SETD2: variants seen among roughly 807,000 people sequenced by gnomAD.
The protein encoded by SETD2 is SET domain containing 2, histone lysine methyltransferase, also known as histone-lysine N-methyltransferase SETD2.
Under a neutral mutation model 242.1 loss-of-function variants are expected in SETD2, and 31 were observed. That is an observed-to-expected ratio of 0.13 (90% confidence interval 0.10 to 0.17). The LOEUF is 0.17. Ranked by LOEUF, SETD2 falls within the 10% of genes least tolerant of loss-of-function variation. The pLI, the probability that SETD2 is intolerant of heterozygous loss-of-function variation, is 1.00. For synonymous variants in SETD2, 1,006 were observed against 1,066.5 expected (o/e 0.94, Z 1.11); for missense variants, 2,481 against 3,046.3 (o/e 0.81, Z 4.37).
intron 7 of SETD2, among the ~76,000 whole-genome samples, chr3:47,102,363 A>G (rs953682554): frequency 6.6e-6 from 1 of 152,210 alleles, no homozygotes; most frequent in Non-Finnish European, 1.5e-5. Context: ...TGGCTCTTGG[A>G]AGAGCCATGC....
intron 15 of SETD2, among the ~76,000 whole-genome samples, chr3:47,049,459 G>A (rs1274074689): frequency 8.0e-5 from 11 of 137,612 alleles, no homozygotes; most frequent in African/African-American, 2.2e-4. Context: ...TGCAAGCTCC[G>A]CCTCCCGGGT....
intron 14 of SETD2, among the ~76,000 whole-genome samples, chr3:47,060,774 G>A (rs1384508021): frequency 6.6e-6 from 1 of 151,902 alleles, no homozygotes; most frequent in Non-Finnish European, 1.5e-5. Flanking sequence ...TAAATTCCAT[G>A]TATCAAAAGG....
At chr3:47,046,352 T>TAA (rs1167991188) in intron 16 of SETD2, 135 bp downstream of exon 16, 9 of 657,604 alleles carry the variant, frequency 1.4e-5, no homozygotes, top group East Asian at 1.4e-4. Context: ...AAAAATAAAA[T>TAA]AAAATAAAAT....
chr3:47,163,701 C>T, intron 1 of SETD2, 153 bp downstream of exon 1: 1 of 548,044 alleles, frequency 1.8e-6, no homozygotes, highest in Non-Finnish European at 2.6e-6. Flanking sequence ...CTCGAAGTGG[C>T]GGCGCGGGCC....
intron 1 of SETD2, among the ~76,000 whole-genome samples, chr3:47,142,009 A>G (rs1278761734): frequency 1.3e-5 from 2 of 152,220 alleles, no homozygotes; most frequent in Non-Finnish European, 2.9e-5. Context: ...AAGCCAAATG[A>G]TAATATAGGA....
intron 12 of SETD2, among the ~76,000 whole-genome samples, chr3:47,072,057 C>T (rs2040844691): frequency 6.6e-6 from 1 of 152,018 alleles, no homozygotes. Context: ...GCTTGTAATC[C>T]CAGCACTTTG....
chr3:47,152,304 T>C (rs2044004238), intron 1 of SETD2, among the ~76,000 whole-genome samples: 2 of 152,236 alleles, frequency 1.3e-5, no homozygotes, highest in East Asian at 3.8e-4. Context: ...ATAAAATGTG[T>C]AGCTTATGTT....
intron 5 of SETD2, among the ~76,000 whole-genome samples, chr3:47,111,531 G>A (rs1282235990): frequency 6.6e-6 from 1 of 151,974 alleles, no homozygotes; most frequent in Non-Finnish European, 1.5e-5. Context: ...GATTGCGCCA[G>A]GATACTCCAG....
chr3:47,065,864 C>A lies in SETD2; in HGVS notation c.6109+1206G>T, dbSNP rs117484125. Reference sequence around the variant, plus strand: ...GTAACTAAGTGGTAAAGTCCAGAAACCAGATTCCCATGGCCTCCCTGCTAT... The same window carrying A: ...GTAACTAAGTGGTAAAGTCCAGAAAACAGATTCCCATGGCCTCCCTGCTAT... On this transcript the variant is annotated intron_variant, in intron 13 of 20. Coordinates refer to ENST00000409792, the MANE Select transcript of SETD2 (RefSeq NM_014159.7). Among the ~76,000 whole-genome samples, 15 of 152,232 alleles carry A rather than the reference C, an allele frequency of 9.9e-5. No individual in the cohort carries two copies. The East Asian group carries it at 1.9e-3, about 20-fold the overall frequency.
intron 15 of SETD2, among the ~76,000 whole-genome samples, chr3:47,048,399 A>T (rs980840638): frequency 3.3e-5 from 5 of 152,038 alleles, no homozygotes; most frequent in Non-Finnish European, 7.4e-5. Flanking sequence ...AAAAAAACAA[A>T]ATTTAAATGG....
In SETD2 at chr3:47,062,362, G is replaced by A. The variant is rs1559678513; in HGVS notation, c.6110-16C>T. 1.3e-6 allele frequency: 2 copies of A among 1,499,284 alleles called. No homozygotes were observed. Among genetic ancestry groups the A allele is most frequent in the South Asian group, 1.3e-5 (1 of 78,926 alleles). 92.9% of individuals were successfully genotyped at this position (1,499,284 alleles called of 1,614,324 possible). ...CGTTCAGTTGCTAAGGGAAAAGGGT[G>A]GTTTGTTTGTTTTTTTTTTTTTTAA... On this transcript the variant is annotated splice_polypyrimidine_tract_variant and intron_variant, in intron 13 of 20. Transcript: ENST00000409792.
chr3:47,118,778 C>A (rs1044352463), intron 3 of SETD2, among the ~76,000 whole-genome samples: 3 of 151,660 alleles, frequency 2.0e-5, no homozygotes, highest in African/African-American at 7.3e-5. Flanking sequence ...ATATATATAT[C>A]TGATTCTCAA....
At chr3:47,034,398 T>C (rs189573354) in intron 18 of SETD2, among the ~76,000 whole-genome samples, 1 of 152,344 alleles carries the variant, frequency 6.6e-6, no homozygotes, top group Non-Finnish European at 1.5e-5. Flanking sequence ...TCAGAATTAA[T>C]TGTGAATTAA....
At chr3:47,045,872 T>G (rs1273823391) in intron 16 of SETD2, among the ~76,000 whole-genome samples, 5 of 147,586 alleles carry the variant, frequency 3.4e-5, no homozygotes, top group Non-Finnish European at 7.5e-5. Flanking sequence ...GCCTCCCAGG[T>G]TCACGCCATT....
chr3:47,021,288 A>G (rs1034803891), intron 18 of SETD2, among the ~76,000 whole-genome samples: 2 of 152,192 alleles, frequency 1.3e-5, no homozygotes, highest in Non-Finnish European at 2.9e-5. Context: ...ATGAGTACAG[A>G]AAGCCCCTTC....
intron 12 of SETD2, among the ~76,000 whole-genome samples, chr3:47,081,494 C>T (rs928395757): frequency 6.6e-6 from 1 of 152,226 alleles, no homozygotes; most frequent in African/African-American, 2.4e-5. Flanking sequence ...CCAATGTCTA[C>T]TCGAACACAT....
chr3:47,119,101 G>A (rs779235589), intron 3 of SETD2, among the ~76,000 whole-genome samples: 2 of 152,064 alleles, frequency 1.3e-5, no homozygotes, highest in Admixed American at 6.6e-5. Context: ...CAATGGCTAG[G>A]TTGATTCTCA....
chr3:47,159,994 A>AC lies in SETD2; in HGVS notation c.71+3859dup, dbSNP rs1417649357. Reference sequence around the variant, plus strand: ...CATTCCAAAAAAAAAAAAAAGCTAAACCCCATCTCACCCTAACCCAGTTTA... The same window carrying AC: ...CATTCCAAAAAAAAAAAAAAGCTAAACCCCCATCTCACCCTAACCCAGTTTA... On this transcript the variant is annotated intron_variant, in intron 1 of 20. Transcript: ENST00000409792. Among the ~76,000 whole-genome samples the AC allele has an allele frequency of 5.9e-5, 9 of 151,390 alleles. 1 individual carries two copies. The Middle Eastern group carries it at 0.01, about 172-fold the overall frequency.
chr3:47,103,284 A>G, intron 7 of SETD2, 62 bp downstream of exon 7: 3 of 1,121,562 alleles, frequency 2.7e-6, no homozygotes, highest in South Asian at 1.3e-5. Flanking sequence ...GGGATCTAAA[A>G]TTAATGGTCA....
Sources: gnomAD v4.1 joint callset for allele counts (sites outside exome capture counted in the v4.1 genomes callset) on GRCh38, gnomAD v4.1.1 for gene constraint, MANE v1.5 for transcripts, NCBI Gene and HGNC (gene_info 2026-07-23, HGNC 2026-07-21) for gene names.